DOCK8: variants seen among roughly 807,000 people sequenced by gnomAD.
DOCK8 encodes the protein dedicator of cytokinesis protein 8.
A neutral mutation model predicts 245.6 loss-of-function variants in DOCK8; 141 were observed. That is an observed-to-expected ratio of 0.57 (90% CI 0.50 to 0.66). The LOEUF (loss-of-function observed/expected upper bound fraction) is 0.66. DOCK8 is among the 30% of genes least tolerant of loss of function. DOCK8 has a pLI of 0.00. For missense variants in DOCK8, 2,965 were observed against 2,603.4 expected (o/e 1.14, Z -3.02); for synonymous variants, 1,168 against 970.2 (o/e 1.20, Z -3.79).
chr9:275,857 G>C (rs1285415410), intron 2 of DOCK8, among the ~76,000 whole-genome samples: 1 of 147,450 alleles, frequency 6.8e-6, no homozygotes, highest in Non-Finnish European at 1.5e-5. Flanking sequence ...CCAAAGTGCT[G>C]GGATTACAGG....
At chr9:409,832 G>C (rs922685459) in intron 28 of DOCK8, among the ~76,000 whole-genome samples, 3 of 151,684 alleles carry the variant, frequency 2.0e-5, no homozygotes, top group Non-Finnish European at 4.4e-5. Context: ...TGCTGAGAAT[G>C]ACGGTTTTCA....
At chr9:371,174 TTTTTTG>T (rs1468197541) in intron 16 of DOCK8, among the ~76,000 whole-genome samples, 58 of 151,142 alleles carry the variant, frequency 3.8e-4, no homozygotes, top group African/African-American at 8.3e-4. Context: ...GGGGGAGTTG[TTTTTTG>T]TTTTTTGTTT....
rs574661109 is a variant in DOCK8, at chr9:444,386, T to C, written c.5580+870T>C. On this transcript the variant is annotated intron_variant, in intron 43 of 47. Transcript: ENST00000432829. Reference sequence around the variant, plus strand: ...ATAATTTGGGAGTTTCTATGATACCTGTTAGATTAAATAATTCACTACAAT... The same window carrying C: ...ATAATTTGGGAGTTTCTATGATACCCGTTAGATTAAATAATTCACTACAAT... Among the ~76,000 whole-genome samples, 5 of 146,796 alleles carry C rather than the reference T, an allele frequency of 3.4e-5. No homozygotes were observed. In the East Asian group the frequency reaches 6.3e-4, roughly 18 times the overall value.
At chr9:226,164 C>T (rs1237089435) in intron 1 of DOCK8, among the ~76,000 whole-genome samples, 1 of 152,028 alleles carries the variant, frequency 6.6e-6, no homozygotes, top group Non-Finnish European at 1.5e-5. Context: ...ACAATCATGG[C>T]AGAAGGTGAA....
At chr9:262,375 G>A (rs144882060) in intron 1 of DOCK8, among the ~76,000 whole-genome samples, 3,200 of 151,110 alleles carry the variant, frequency 0.021, 41 homozygotes, top group Middle Eastern at 0.082. Context: ...GAACACAAAT[G>A]TTTACAGCAA....
intron 11 of DOCK8, 125 bp downstream of exon 11, chr9:334,509 A>G: frequency 9.7e-7 from 1 of 1,026,968 alleles, no homozygotes; most frequent in East Asian, 2.4e-5. Context: ...AAGGAGATAA[A>G]TAGAATGAAA....
chr9:273,258 C>CTT (rs1390192423), intron 2 of DOCK8, among the ~76,000 whole-genome samples: 1 of 152,114 alleles, frequency 6.6e-6, no homozygotes, highest in Non-Finnish European at 1.5e-5. Flanking sequence ...ACTTCAGTGG[C>CTT]TTGCTAGACT....
intron 33 of DOCK8, among the ~76,000 whole-genome samples, chr9:422,862 G>T (rs1421615966): frequency 1.3e-5 from 2 of 152,016 alleles, no homozygotes; most frequent in African/African-American, 4.8e-5. Flanking sequence ...GCAGATGCCT[G>T]TAATCCCAGC....
In DOCK8 at chr9:407,269, C is replaced by T. The variant is rs1015201121; in HGVS notation, c.3530+200C>T. 2.0e-5 allele frequency among the ~76,000 whole-genome samples: 3 copies of T among 152,032 alleles called. No individual in the cohort carries two copies. In the East Asian group the frequency reaches 5.8e-4, roughly 29 times the overall value. Reference sequence around the variant, plus strand: ...AGGCCTTTCTTGTGTAGAAAGGCACCAGGGATGGGTAAGAACTACAAAATG... The same window carrying T: ...AGGCCTTTCTTGTGTAGAAAGGCACTAGGGATGGGTAAGAACTACAAAATG... On this transcript the variant is annotated intron_variant, in intron 28 of 47. Transcript: ENST00000432829.
chr9:348,152 G>C (rs1431606666), intron 14 of DOCK8, among the ~76,000 whole-genome samples: 1 of 152,086 alleles, frequency 6.6e-6, no homozygotes, highest in Admixed American at 6.5e-5. Context: ...TTTTTTGGAA[G>C]GTGTAGTGGG....
chr9:216,636 C>T (rs570438173), intron 1 of DOCK8, among the ~76,000 whole-genome samples: 1 of 151,304 alleles, frequency 6.6e-6, no homozygotes, highest in South Asian at 2.1e-4. Flanking sequence ...TGTTGCATGC[C>T]AGGAGGGGTA....
rs59755494 is a variant in DOCK8, at chr9:332,265, TA to T, written c.1045-126del. ...GCTATTCTTTATATAAATTTTTTAA[TA>T]AAAAAATATGTATCACAGATAGCTT... On this transcript the variant is annotated intron_variant, in intron 9 of 47. Transcript: ENST00000432829. 4.6e-3 allele frequency: 2,983 copies of T among 644,402 alleles called. 57 individuals are homozygous for T. Among genetic ancestry groups the T allele is most frequent in the African/African-American group, 0.044 (2,422 of 54,444 alleles). 39.9% of individuals were successfully genotyped at this position (644,402 alleles called of 1,614,324 possible). A position where few individuals can be genotyped will look rare whatever the true frequency, so the allele number is the denominator to read the frequency against.
At chr9:251,977 T>C (rs939542464) in intron 1 of DOCK8, among the ~76,000 whole-genome samples, 35 of 146,288 alleles carry the variant, frequency 2.4e-4, no homozygotes, top group South Asian at 8.7e-4. Context: ...GTTTTCTTTT[T>C]TTTTTTTTTT....
chr9:451,241 G>T (rs2057422878), intron 45 of DOCK8, among the ~76,000 whole-genome samples: 1 of 152,038 alleles, frequency 6.6e-6, no homozygotes, highest in South Asian at 2.1e-4. Flanking sequence ...AACCCGGGAG[G>T]TGGAGGTTGT....
intron 26 of DOCK8, among the ~76,000 whole-genome samples, chr9:399,464 A>G (rs140408548): frequency 2.4e-4 from 37 of 152,130 alleles, no homozygotes; most frequent in African/African-American, 8.4e-4. Flanking sequence ...TGGAGCATTT[A>G]CCGACAGTGT....
intron 40 of DOCK8, 107 bp downstream of exon 40, chr9:439,495 G>C: frequency 6.8e-7 from 1 of 1,474,172 alleles, no homozygotes; most frequent in Non-Finnish European, 9.3e-7. Context: ...ACTTCCCGAG[G>C]ACACGTGCCA....
Position 234,025 on chromosome 9 carries a change from T to C in DOCK8, c.53+18996T>C, listed in dbSNP as rs187211034. On this transcript the variant is annotated intron_variant, in intron 1 of 47. Transcript: ENST00000432829. ...TTTACAATTTGGCATGTTTTTGCAG[T>C]GGCTGGTACTGGTTGTTCCTTTCCA... 5.6e-3 allele frequency among the ~76,000 whole-genome samples: 850 copies of C among 151,682 alleles called. 2 individuals carry two copies. Among genetic ancestry groups the C allele is most frequent in the Middle Eastern group, 0.021 (6 of 292 alleles).
intron 18 of DOCK8, among the ~76,000 whole-genome samples, chr9:375,378 T>A (rs745325658): frequency 1.3e-5 from 2 of 152,076 alleles, no homozygotes; most frequent in Non-Finnish European, 2.9e-5. Context: ...TATAAAAGAG[T>A]CACTTTGAGT....
chr9:421,262 G>C (rs2056266637), intron 32 of DOCK8, among the ~76,000 whole-genome samples, 184 bp downstream of exon 32: 1 of 152,200 alleles, frequency 6.6e-6, no homozygotes, highest in Non-Finnish European at 1.5e-5. Flanking sequence ...GTGAGGGAAA[G>C]CGCTGTTCTA....
Sources: gnomAD v4.1 joint callset for allele counts (sites outside exome capture counted in the v4.1 genomes callset) on GRCh38, gnomAD v4.1.1 for gene constraint, MANE v1.5 for transcripts, NCBI Gene and HGNC (gene_info 2026-07-23, HGNC 2026-07-21) for gene names.